FMO5: variants seen among roughly 807,000 people sequenced by gnomAD.
The protein encoded by FMO5 is flavin-containing monooxygenase 5.
A neutral mutation model predicts 43.6 loss-of-function variants in FMO5; 51 were observed. The ratio of observed to expected loss-of-function variants is 1.17; its 90% CI spans 0.93 to 1.48. The LOEUF (loss-of-function observed/expected upper bound fraction) is 1.48, where lower values mean the gene tolerates loss of function less well. Among genes scored for constraint, FMO5 ranks in the 40% most tolerant of loss-of-function variants. The probability of loss-of-function intolerance (pLI) is 0.00; values close to 1 mark genes in which losing one functional copy is unlikely to be tolerated. For missense variants in FMO5, 644 were observed against 643.0 expected (o/e 1.00, Z -0.02); for synonymous variants, 187 against 216.5 (o/e 0.86, Z 1.20).
chr1:147,190,745 C>T (rs1472950152), intron 7 of FMO5, among the ~76,000 whole-genome samples: 1 of 151,902 alleles, frequency 6.6e-6, no homozygotes, highest in Non-Finnish European at 1.5e-5. Flanking sequence ...AGGTTTGTTA[C>T]ATACGTATAC....
chr1:147,207,632 T>C (rs587719437), intron 6 of FMO5, among the ~76,000 whole-genome samples: 1 of 152,336 alleles, frequency 6.6e-6, no homozygotes, highest in East Asian at 1.9e-4. Context: ...TCAGTTTTTA[T>C]ATTTGTAAAA....
chr1:147,209,142 C>G (rs587752559), intron 5 of FMO5, 91 bp from the exon 6 acceptor site: 7 of 1,130,840 alleles, frequency 6.2e-6, no homozygotes, highest in African/African-American at 1.6e-5. Context: ...ATTTCAGGCC[C>G]GGCGCGGTGG....
intron 2 of FMO5, among the ~76,000 whole-genome samples, chr1:147,217,217 C>A (rs1406012191): frequency 6.8e-6 from 1 of 146,434 alleles, no homozygotes; most frequent in Non-Finnish European, 1.5e-5. Flanking sequence ...CCAGCCTGGG[C>A]AACAAGAGCA....
intron 7 of FMO5, among the ~76,000 whole-genome samples, chr1:147,193,287 T>G (rs587605510): frequency 2.6e-5 from 4 of 152,278 alleles, no homozygotes; most frequent in Admixed American, 2.6e-4. Flanking sequence ...ATTTTCTAGT[T>G]TATTTGTGTA....
intron 7 of FMO5, among the ~76,000 whole-genome samples, chr1:147,192,608 T>C (rs1436445155): frequency 1.3e-5 from 2 of 151,888 alleles, no homozygotes; most frequent in African/African-American, 4.8e-5. Flanking sequence ...AAGGGAATGC[T>C]TCCAGTTTTT....
chr1:147,194,409 A>G (rs1167224454), intron 7 of FMO5, among the ~76,000 whole-genome samples: 1 of 152,070 alleles, frequency 6.6e-6, no homozygotes, highest in Non-Finnish European at 1.5e-5. Context: ...GTCTCTGCAC[A>G]TGAGATGGGT....
intron 2 of FMO5, among the ~76,000 whole-genome samples, chr1:147,223,258 C>T (rs931064166): frequency 2.0e-5 from 3 of 152,068 alleles, no homozygotes; most frequent in African/African-American, 7.2e-5. Context: ...GGCTTTTAGC[C>T]CATGTCCAAG....
In FMO5 at chr1:147,212,516, C is replaced by G; in HGVS notation, c.507G>C (p.Gly169=). 6.2e-7 allele frequency: 1 copy of G among 1,613,144 alleles called. No homozygotes were observed. Among genetic ancestry groups the G allele is most frequent in the African/African-American group, 1.3e-5 (1 of 75,002 alleles). The change falls in exon 5 of 9, where the codon GGG becomes GGC. Residue 169 remains glycine, a synonymous_variant. Coordinates refer to ENST00000254090, the MANE Select transcript of FMO5 (RefSeq NM_001461.4). ...TATAGTCTCGACTGTGGAAGTACTGCCCTTTGAACTTCTCAATTCCTGCAA... is the reference window on the plus strand; with the variant it reads ...TATAGTCTCGACTGTGGAAGTACTGGCCTTTGAACTTCTCAATTCCTGCAA... ...ESFPGIEKFK[G]QYFHSRDYKN...
chr1:147,194,186 T>C (rs868939356), intron 7 of FMO5, among the ~76,000 whole-genome samples: 3 of 152,172 alleles, frequency 2.0e-5, no homozygotes, highest in African/African-American at 7.2e-5. Flanking sequence ...TGAATCTGGG[T>C]GCTCCTGCAT....
At chr1:147,203,406 G>A (rs879957979) in intron 6 of FMO5, 2 of 937,908 alleles carry the variant, frequency 2.1e-6, no homozygotes, top group Non-Finnish European at 3.6e-6. Context: ...TGATAGACCA[G>A]TGTTTTCCCA....
intron 6 of FMO5, chr1:147,204,427 A>G: frequency 1.7e-6 from 2 of 1,193,322 alleles, no homozygotes; most frequent in South Asian, 1.2e-5. Context: ...TTGTTTACAC[A>G]TTACAGAGGT....
In FMO5 at chr1:147,201,088, A is replaced by C. The variant is rs1658881603; in HGVS notation, c.1183+64T>G. 6.9e-6 allele frequency: 8 copies of C among 1,159,526 alleles called. No homozygotes were observed. In the South Asian group the frequency reaches 7.2e-5, roughly 10 times the overall value. The allele number at this position is 1,159,526 out of a possible 1,614,324, so 71.8% of individuals were successfully genotyped here. ...TGCTATCTCTAGCTATTTAAAAACA[A>C]GTACCTAAACAGAGGTAAACATATC... On this transcript the variant is annotated intron_variant, in intron 7 of 8. Coordinates refer to ENST00000254090, the MANE Select transcript of FMO5 (RefSeq NM_001461.4).
chr1:147,198,149 A>T (rs1277555347), intron 7 of FMO5, among the ~76,000 whole-genome samples: 2 of 152,200 alleles, frequency 1.3e-5, no homozygotes, highest in Non-Finnish European at 2.9e-5. Context: ...TCAGGCTTTT[A>T]ACATAACTGG....
chr1:147,205,325 A>T (rs1304837683), intron 6 of FMO5, among the ~76,000 whole-genome samples: 1 of 152,222 alleles, frequency 6.6e-6, no homozygotes, highest in African/African-American at 2.4e-5. Flanking sequence ...ACTTGATGGT[A>T]TCTATACCAC....
At chr1:147,204,465 A>T (rs1193849936) in intron 6 of FMO5, 24 of 1,421,900 alleles carry the variant, frequency 1.7e-5, no homozygotes, top group Non-Finnish European at 3.0e-6. Context: ...CTTCATCAAC[A>T]TCTCGAAGGT....
chr1:147,209,302 G>T (rs1336756067), intron 5 of FMO5, among the ~76,000 whole-genome samples: 2 of 152,074 alleles, frequency 1.3e-5, no homozygotes, highest in African/African-American at 4.8e-5. Flanking sequence ...GCCAGGCGTG[G>T]TTGCAGGTGC....
chr1:147,216,498 G>C (rs1235437587), intron 2 of FMO5, among the ~76,000 whole-genome samples: 1 of 152,136 alleles, frequency 6.6e-6, no homozygotes, highest in Non-Finnish European at 1.5e-5. Context: ...ACTGGAAAGA[G>C]TATAACATCT....
At chr1:147,194,765 GA>G (rs587662329) in intron 7 of FMO5, among the ~76,000 whole-genome samples, 2,768 of 151,834 alleles carry the variant, frequency 0.018, 93 homozygotes, top group African/African-American at 0.063. Flanking sequence ...CTTCACTTAT[GA>G]AGCTTAGTTT....
intron 2 of FMO5, among the ~76,000 whole-genome samples, chr1:147,218,304 C>T (rs1026139573): frequency 6.6e-6 from 1 of 151,718 alleles, no homozygotes; most frequent in Non-Finnish European, 1.5e-5. Flanking sequence ...AGCACGATCT[C>T]AGCTCCCTGC....
Sources: gnomAD v4.1 joint callset for allele counts (sites outside exome capture counted in the v4.1 genomes callset) on GRCh38, gnomAD v4.1.1 for gene constraint, MANE v1.5 for transcripts, NCBI Gene and HGNC (gene_info 2026-07-23, HGNC 2026-07-21) for gene names.